Variants in CHRNA7 observed in about 807,000 individuals in gnomAD.
The protein encoded by CHRNA7 is neuronal acetylcholine receptor subunit alpha-7.
In CHRNA7, 17 loss-of-function variants were observed where a neutral mutation model predicts 48.0. That is an observed-to-expected ratio of 0.35 (90% CI 0.24 to 0.53). CHRNA7 has a LOEUF of 0.53. Ranked by LOEUF, CHRNA7 falls within the 20% of genes least tolerant of loss-of-function variation. CHRNA7 has a pLI of 0.92. For missense variants in CHRNA7, 155 were observed against 577.7 expected, an observed-to-expected ratio of 0.27 and a Z score of 7.50; for synonymous variants, 75 against 242.3, an observed-to-expected ratio of 0.31 and a Z score of 6.41.
At chr15:32,054,662 G>A (rs1213499442) in intron 2 of CHRNA7, among the ~76,000 whole-genome samples, 2 of 152,160 alleles carry the variant, frequency 1.3e-5, no homozygotes, top group Admixed American at 1.3e-4. Context: ...AATCACCCAA[G>A]CACACAGCAT....
intron 4 of CHRNA7, among the ~76,000 whole-genome samples, chr15:32,122,743 T>A (rs192275941): frequency 1.3e-5 from 2 of 152,220 alleles, no homozygotes; most frequent in East Asian, 3.9e-4. Context: ...GGCATTGAAG[T>A]GGGATGGTTA....
chr15:32,055,453 A>G (rs934832653), intron 2 of CHRNA7, among the ~76,000 whole-genome samples: 2 of 152,174 alleles, frequency 1.3e-5, no homozygotes, highest in African/African-American at 2.4e-5. Flanking sequence ...CTGCTTCACA[A>G]CGTGGTGGAA....
intron 4 of CHRNA7, among the ~76,000 whole-genome samples, chr15:32,121,758 G>A (rs1368251105): frequency 6.6e-6 from 1 of 152,188 alleles, no homozygotes; most frequent in Non-Finnish European, 1.5e-5. Flanking sequence ...GCATTTCATG[G>A]AAAGATATGT....
intron 4 of CHRNA7, among the ~76,000 whole-genome samples, chr15:32,138,445 A>C: frequency 6.6e-6 from 1 of 151,490 alleles, no homozygotes; most frequent in African/African-American, 2.4e-5. Flanking sequence ...TCCCCTCCCA[A>C]CCCCCACCCA....
At chr15:32,087,703 T>C (rs1399931313) in intron 2 of CHRNA7, among the ~76,000 whole-genome samples, 2 of 152,210 alleles carry the variant, frequency 1.3e-5, no homozygotes, top group Non-Finnish European at 2.9e-5. Context: ...TACTTAACTG[T>C]TCGATTGCAA....
chr15:32,112,213 G>C (rs1401240017), intron 4 of CHRNA7: 12 of 509,382 alleles, frequency 2.4e-5, no homozygotes, highest in Non-Finnish European at 4.2e-5. Flanking sequence ...GCATAAGGCA[G>C]TACCTTTGTT....
intron 4 of CHRNA7, among the ~76,000 whole-genome samples, chr15:32,115,929 C>A (rs751046322): frequency 1.3e-5 from 2 of 152,182 alleles, no homozygotes; most frequent in Non-Finnish European, 2.9e-5. Context: ...AAACATTCAA[C>A]TGAGACTGAG....
intron 4 of CHRNA7, among the ~76,000 whole-genome samples, chr15:32,151,778 T>C (rs752719007): frequency 5.6e-4 from 86 of 152,272 alleles, no homozygotes; most frequent in Admixed American, 2.0e-3. Context: ...TTCCTTCTTT[T>C]CATTGACTCA....
intron 4 of CHRNA7, among the ~76,000 whole-genome samples, chr15:32,139,839 AT>A (rs2051345068): frequency 6.6e-6 from 1 of 152,034 alleles, no homozygotes; most frequent in African/African-American, 2.4e-5. Context: ...TGATCAGTAT[AT>A]TTTTAAAAAA....
intron 2 of CHRNA7, 118 bp from the exon 3 acceptor site, chr15:32,101,185 T>C (rs1211126021): frequency 5.7e-6 from 6 of 1,056,602 alleles, no homozygotes; most frequent in Non-Finnish European, 8.4e-6. Context: ...GCTTGGTGCA[T>C]TCTAATTTCC....
chr15:32,049,537 T>C (rs908104644), intron 2 of CHRNA7, among the ~76,000 whole-genome samples: 8 of 152,224 alleles, frequency 5.3e-5, no homozygotes, highest in African/African-American at 1.9e-4. Flanking sequence ...AGGCTATGTG[T>C]GTCTCTGCAC....
At chr15:32,120,427 C>A (rs201174902) in intron 4 of CHRNA7, among the ~76,000 whole-genome samples, 42 of 151,524 alleles carry the variant, frequency 2.8e-4, no homozygotes, top group African/African-American at 9.7e-4. Flanking sequence ...GTTTTCTTTT[C>A]TTTTCTTTTC....
chr15:32,098,906 A>T (rs1172064632), intron 2 of CHRNA7: 1 of 154,510 alleles, frequency 6.5e-6, no homozygotes, highest in African/African-American at 2.4e-5. Flanking sequence ...ACACACACAC[A>T]CACTTTTTAT....
At chr15:32,049,152 T>C (rs1467027536) in intron 2 of CHRNA7, among the ~76,000 whole-genome samples, 2 of 151,912 alleles carry the variant, frequency 1.3e-5, no homozygotes, top group Non-Finnish European at 2.9e-5. Flanking sequence ...TCTGTAGATG[T>C]CTATTAGGTC....
In CHRNA7 at chr15:32,122,535, G is replaced by A. The variant is rs369775401; in HGVS notation, c.350+10636G>A. Among the ~76,000 whole-genome samples the A allele has an allele frequency of 9.2e-5, 14 of 151,756 alleles. No individual in the cohort carries two copies. In the East Asian group the frequency reaches 1.5e-3, roughly 17 times the overall value. ...CACATTTTTGTGTTGTTTCCTTTAT[G>A]GATCCTTTATGGCTTTGGGGTCCCA... is the stretch of plus-strand genomic sequence containing the variant. On this transcript the variant is annotated intron_variant, in intron 4 of 9. Coordinates refer to ENST00000306901, the MANE Select transcript of CHRNA7 (RefSeq NM_000746.6).
chr15:32,151,588 C>G (rs573111041), intron 4 of CHRNA7, among the ~76,000 whole-genome samples: 24 of 152,270 alleles, frequency 1.6e-4, no homozygotes, highest in African/African-American at 5.8e-4. Context: ...GCCTTGTCCT[C>G]TACGCTGTCT....
intron 2 of CHRNA7, among the ~76,000 whole-genome samples, chr15:32,056,355 G>A (rs1057459267): frequency 6.6e-6 from 1 of 152,070 alleles, no homozygotes; most frequent in African/African-American, 2.4e-5. Context: ...TGATTTTTGT[G>A]TATAAAGTGT....
intron 2 of CHRNA7, among the ~76,000 whole-genome samples, chr15:32,049,805 T>C (rs1319667010): frequency 1.3e-5 from 2 of 152,210 alleles, no homozygotes; most frequent in Non-Finnish European, 2.9e-5. Flanking sequence ...TTTCCATGTT[T>C]AGTGCTTCCT....
At position 32,031,022 on chromosome 15, in the gene CHRNA7, G is replaced by T; in HGVS notation, c.180G>T (p.Leu60=). The part of the protein sequence containing the change: ...PLTVYFSLSL[L]QIMDVDEKNQ... ...CCGTCTACTTCTCCCTGAGCCTCCTGCAGATCATGGACGTGGTGAGTCCCG... is the reference window on the plus strand; with the variant it reads ...CCGTCTACTTCTCCCTGAGCCTCCTTCAGATCATGGACGTGGTGAGTCCCG... Residue 60 remains leucine, a synonymous_variant, in exon 2 of 10, where the codon CTG becomes CTT. Transcript: ENST00000306901. The T allele has an allele frequency of 6.2e-7, 1 of 1,614,180 alleles. No individual in the cohort carries two copies. Among genetic ancestry groups the T allele is most frequent in the Admixed American group, 1.7e-5 (1 of 60,036 alleles).
Sources: allele counts gnomAD v4.1 joint callset (sites outside exome capture counted in the v4.1 genomes callset), GRCh38; gene constraint gnomAD v4.1.1; transcripts MANE v1.5; gene names NCBI Gene and HGNC (gene_info 2026-07-23, HGNC 2026-07-21).